The following CALN1 variants were observed in gnomAD, a reference collection of about 807,000 sequenced individuals.
CALN1 encodes calneuron 1.
In CALN1, 17 loss-of-function variants were observed where a neutral mutation model predicts 30.6. The ratio of observed to expected loss-of-function variants is 0.56; its 90% CI spans 0.38 to 0.83. The LOEUF is 0.83. Ranked by LOEUF, CALN1 falls within the 40% of genes least tolerant of loss-of-function variation. The pLI is 0.00. For synonymous variants in CALN1, 156 were observed against 131.4 expected (o/e 1.19, Z -1.28); for missense variants, 291 against 354.9 (o/e 0.82, Z 1.45).
At chr7:72,264,121 A>T (rs1796458159) in intron 3 of CALN1, among the ~76,000 whole-genome samples, 1 of 152,236 alleles carries the variant, frequency 6.6e-6, no homozygotes, top group African/African-American at 2.4e-5. Flanking sequence ...CCTTCTGAGA[A>T]GTCAGGAGAC....
chr7:72,503,760 T>G, the CALN1 span, among the ~76,000 whole-genome samples: 1 of 151,964 alleles, frequency 6.6e-6, no homozygotes, highest in Non-Finnish European at 1.5e-5. Context: ...TCCCAAAGCA[T>G]CCTTGGTTTA....
the CALN1 span, among the ~76,000 whole-genome samples, chr7:72,474,493 C>G: frequency 2.0e-5 from 3 of 152,084 alleles, no homozygotes; most frequent in South Asian, 6.2e-4. Context: ...CAAGACCAGC[C>G]TGGGCAACAT....
At chr7:71,923,229 C>G (rs1325866217) in intron 5 of CALN1, among the ~76,000 whole-genome samples, 1 of 152,120 alleles carries the variant, frequency 6.6e-6, no homozygotes, top group Non-Finnish European at 1.5e-5. Context: ...CTCATTTGTT[C>G]TTTCTGACAG....
chr7:72,488,211 A>AT, the CALN1 span, among the ~76,000 whole-genome samples: 3 of 151,450 alleles, frequency 2.0e-5, no homozygotes, highest in South Asian at 4.2e-4. Context: ...ACAAAAAAAA[A>AT]TTTTTTTTAA....
At chr7:72,322,680 T>C (rs942899432) in intron 2 of CALN1, among the ~76,000 whole-genome samples, 5 of 151,776 alleles carry the variant, frequency 3.3e-5, no homozygotes, top group Non-Finnish European at 7.4e-5. Flanking sequence ...AGTGGGGGAA[T>C]GTGGGGGATG....
chr7:72,093,724 A>T (rs2129540019), intron 4 of CALN1, among the ~76,000 whole-genome samples: 1 of 152,258 alleles, frequency 6.6e-6, no homozygotes, highest in South Asian at 2.1e-4. Flanking sequence ...AGTCACAGAG[A>T]ACTAGATTGC....
intron 5 of CALN1, among the ~76,000 whole-genome samples, chr7:71,978,227 T>C (rs1202680539): frequency 6.7e-6 from 1 of 148,476 alleles, no homozygotes; most frequent in Non-Finnish European, 1.5e-5. Context: ...GAATCTTGAG[T>C]CAGTATTGCA....
intron 6 of CALN1, among the ~76,000 whole-genome samples, chr7:71,789,942 T>TA (rs141693527): frequency 0.13 from 20,126 of 149,502 alleles, 1,774 homozygotes; most frequent in Middle Eastern, 0.2. Context: ...CAAAAAATAA[T>TA]AAAAAAAAAA....
At chr7:72,496,772 G>A in the CALN1 span, among the ~76,000 whole-genome samples, 1 of 152,180 alleles carries the variant, frequency 6.6e-6, no homozygotes, top group African/African-American at 2.4e-5. Context: ...TCAGCAACTA[G>A]AGAGGCTGAG....
At chr7:71,897,124 C>A (rs1052432950) in intron 5 of CALN1, among the ~76,000 whole-genome samples, 1 of 152,076 alleles carries the variant, frequency 6.6e-6, no homozygotes, top group Non-Finnish European at 1.5e-5. Flanking sequence ...TCCACCAACA[C>A]AAGAGAAAGC....
In CALN1 at chr7:71,784,873, T is replaced by G; in HGVS notation, c.*2902A>C. 1 of 398,676 alleles carries G rather than the reference T, an allele frequency of 2.5e-6. No individual in the cohort carries two copies. Among genetic ancestry groups the G allele is most frequent in the Non-Finnish European group, 4.4e-6 (1 of 226,118 alleles). The allele number at this position is 398,676 out of a possible 1,614,324, so 24.7% of individuals were successfully genotyped here. ...CTGGAATCTTCAGCCGTGAGCTTCA[T>G]AGCCACCATGATGGGGACACTGACT... is the stretch of plus-strand genomic sequence containing the variant. On this transcript the variant is annotated 3_prime_UTR_variant, in exon 7 of 7. Coordinates refer to ENST00000395275, the MANE Select transcript of CALN1 (RefSeq NM_031468.4).
chr7:71,939,201 T>C (rs1008644748), intron 5 of CALN1, among the ~76,000 whole-genome samples: 1 of 152,132 alleles, frequency 6.6e-6, no homozygotes, highest in Non-Finnish European at 1.5e-5. Flanking sequence ...TACTGGATAC[T>C]ACTTATTCCG....
At chr7:72,274,865 T>C (rs1797237301) in intron 3 of CALN1, among the ~76,000 whole-genome samples, 2 of 152,150 alleles carry the variant, frequency 1.3e-5, no homozygotes, top group African/African-American at 4.8e-5. Context: ...TTTAATCTGA[T>C]CATTTTGAAG....
chr7:72,107,971 C>T (rs944598493), intron 3 of CALN1, among the ~76,000 whole-genome samples: 3 of 152,122 alleles, frequency 2.0e-5, no homozygotes, highest in Non-Finnish European at 4.4e-5. Flanking sequence ...CTGACCATGC[C>T]CTGGCATGAT....
intron 4 of CALN1, among the ~76,000 whole-genome samples, chr7:72,054,877 C>A (rs570475277): frequency 1.1e-4 from 16 of 152,130 alleles, no homozygotes; most frequent in South Asian, 4.2e-4. Context: ...TATAACAAAC[C>A]TGCACATGTG....
intron 4 of CALN1, among the ~76,000 whole-genome samples, chr7:72,032,396 G>C (rs1266433888): frequency 6.6e-6 from 1 of 152,010 alleles, no homozygotes; most frequent in Non-Finnish European, 1.5e-5. Flanking sequence ...TCACTATGTT[G>C]CCCAGGCTAG....
chr7:72,149,211 A>G (rs894527455), intron 3 of CALN1, among the ~76,000 whole-genome samples: 1 of 152,144 alleles, frequency 6.6e-6, no homozygotes, highest in Non-Finnish European at 1.5e-5. Flanking sequence ...CGCATCTGTA[A>G]TCCCAGCACT....
At chr7:72,060,331 G>A (rs1452872041) in intron 4 of CALN1, among the ~76,000 whole-genome samples, 1 of 152,106 alleles carries the variant, frequency 6.6e-6, no homozygotes, top group African/African-American at 2.4e-5. Context: ...GCTTGGATCA[G>A]GAAGCTGATA....
chr7:71,816,492 T>C (rs1341997202), intron 5 of CALN1, among the ~76,000 whole-genome samples: 1 of 152,074 alleles, frequency 6.6e-6, no homozygotes, highest in African/African-American at 2.4e-5. Context: ...AGTGGCAAGA[T>C]CAAGGTCAAC....
Sources: allele counts gnomAD v4.1 joint callset (sites outside exome capture counted in the v4.1 genomes callset), GRCh38; gene constraint gnomAD v4.1.1; transcripts MANE v1.5; gene names NCBI Gene and HGNC (gene_info 2026-07-23, HGNC 2026-07-21).